Variants in TTBK2 observed in about 807,000 individuals in gnomAD.
TTBK2 encodes tau tubulin kinase 2, also known as tau-tubulin kinase 2.
TTBK2 carries 28 observed loss-of-function variants against 110.8 expected under a neutral mutation model. The ratio of observed to expected loss-of-function variants is 0.25; its 90% CI spans 0.19 to 0.35. The LOEUF is 0.35. Ranked by LOEUF, TTBK2 falls within the 10% of genes least tolerant of loss-of-function variation. The pLI, the probability that TTBK2 is intolerant of heterozygous loss-of-function variation, is 1.00. For missense variants in TTBK2, 1,369 were observed against 1,500.3 expected, an observed-to-expected ratio of 0.91 and a Z score of 1.45; for synonymous variants, 532 against 527.3, an observed-to-expected ratio of 1.01 and a Z score of -0.12.
intron 13 of TTBK2, among the ~76,000 whole-genome samples, chr15:42,773,270 T>C (rs925597949): frequency 1.3e-4 from 19 of 151,936 alleles, no homozygotes; most frequent in South Asian, 2.1e-4. Context: ...TTAGAGACTT[T>C]CAATTAATAC....
chr15:42,778,391 C>A (rs752696436), intron 11 of TTBK2, among the ~76,000 whole-genome samples: 4 of 151,852 alleles, frequency 2.6e-5, no homozygotes, highest in Non-Finnish European at 5.9e-5. Context: ...ATAGGCCGGG[C>A]GTGGTGGCTC....
intron 1 of TTBK2, among the ~76,000 whole-genome samples, chr15:42,889,406 A>G (rs147672733): frequency 1.4e-3 from 212 of 152,254 alleles, no homozygotes; most frequent in Middle Eastern, 3.4e-3. Flanking sequence ...TCCCACCTCT[A>G]TACAGTCCAA....
At chr15:42,873,368 A>G (rs1209531605) in intron 2 of TTBK2, among the ~76,000 whole-genome samples, 3 of 152,192 alleles carry the variant, frequency 2.0e-5, no homozygotes, top group Non-Finnish European at 4.4e-5. Context: ...CAGGAGGCAG[A>G]GGCAGAAGTA....
intron 6 of TTBK2, among the ~76,000 whole-genome samples, chr15:42,822,313 A>G (rs910405652): frequency 6.6e-6 from 1 of 152,224 alleles, no homozygotes; most frequent in Admixed American, 6.5e-5. Flanking sequence ...TCACATGAAT[A>G]TATTATCTAT....
chr15:42,905,793 C>T (rs2030353262), intron 1 of TTBK2, among the ~76,000 whole-genome samples: 1 of 152,010 alleles, frequency 6.6e-6, no homozygotes, highest in Non-Finnish European at 1.5e-5. Context: ...CCTCAATTTC[C>T]TCATCTATTA....
chr15:42,827,435 C>T (rs767764628), intron 6 of TTBK2, among the ~76,000 whole-genome samples: 47 of 152,254 alleles, frequency 3.1e-4, no homozygotes, highest in Middle Eastern at 3.4e-3. Flanking sequence ...AGGCAGGCAA[C>T]AGAAACTGCC....
intron 11 of TTBK2, among the ~76,000 whole-genome samples, chr15:42,781,706 AC>A (rs1890185887): frequency 6.6e-6 from 1 of 152,082 alleles, no homozygotes; most frequent in African/African-American, 2.4e-5. Flanking sequence ...TCTTTATGTC[AC>A]TGATTACTAG....
chr15:42,907,579 G>T (rs1013499415), intron 1 of TTBK2, among the ~76,000 whole-genome samples: 10 of 151,988 alleles, frequency 6.6e-5, no homozygotes, highest in African/African-American at 2.2e-4. Context: ...AATAAATGTT[G>T]TATGTTTTCA....
chr15:42,763,141 T>G, intron 13 of TTBK2, among the ~76,000 whole-genome samples: 1 of 80,534 alleles, frequency 1.2e-5, no homozygotes, highest in African/African-American at 7.1e-5. Flanking sequence ...CATATATACA[T>G]ACATATATAT....
chr15:42,758,859 C>G (rs958479690), intron 13 of TTBK2, among the ~76,000 whole-genome samples: 2 of 152,088 alleles, frequency 1.3e-5, no homozygotes, highest in Non-Finnish European at 2.9e-5. Context: ...ACAGTCCTAG[C>G]GAGCCTGGAG....
intron 4 of TTBK2, among the ~76,000 whole-genome samples, chr15:42,835,483 C>G (rs1252594019): frequency 1.3e-5 from 2 of 152,082 alleles, no homozygotes; most frequent in Non-Finnish European, 2.9e-5. Context: ...TGTCAAATTC[C>G]TCCATTTTTA....
chr15:42,897,670 A>T (rs13329073), intron 1 of TTBK2, among the ~76,000 whole-genome samples: 61,377 of 152,008 alleles, frequency 0.4, 14,488 homozygotes, highest in African/African-American at 0.66. Flanking sequence ...TGAGAACATA[A>T]GATGTGTTTT....
rs146517130 is a variant in TTBK2, at chr15:42,797,256, G to C, written c.823-2455C>G. Among the ~76,000 whole-genome samples the C allele has an allele frequency of 1.7e-3, 256 of 152,352 alleles. 2 individuals carry two copies. The highest frequency in any genetic ancestry group is 3.4e-3 in the Middle Eastern group (1 of 294). ...GTCTGTACTGTGCTGCAACAGGAAT[G>C]ATCCTAAATGGCTTTTATGTCAGAT... On this transcript the variant is annotated intron_variant, in intron 9 of 14. Transcript: ENST00000267890.
rs34711312 is a variant in TTBK2 at position 42,740,552 on chromosome 15, C to CTTTTTT, written c.*5237_*5242dup. On this transcript the variant is annotated 3_prime_UTR_variant, in exon 15 of 15. Coordinates refer to ENST00000267890, the MANE Select transcript of TTBK2 (RefSeq NM_173500.4). The stretch of plus-strand genomic sequence containing the variant: ...GGGCATAGACTTTATTTTTGTTTTA[C>CTTTTTT]TTTTTTTTTTTTTTTTTTTTGAGAC... 1.5e-5 allele frequency: 2 copies of CTTTTTT among 131,802 alleles called. No homozygotes were observed. Among genetic ancestry groups the CTTTTTT allele is most frequent in the African/African-American group, 2.8e-5 (1 of 36,104 alleles). The allele number at this position is 131,802 out of a possible 1,614,324, so 8.2% of individuals were successfully genotyped here. A position where few individuals can be genotyped will look rare whatever the true frequency, so the allele number is the denominator to read the frequency against.
chr15:42,864,558 T>C (rs1894289045), intron 3 of TTBK2, among the ~76,000 whole-genome samples: 6 of 151,312 alleles, frequency 4.0e-5, no homozygotes, highest in Admixed American at 4.0e-4. Flanking sequence ...CACCCCAGCC[T>C]AGGCAATAAG....
chr15:42,791,028 C>T (rs1890650782), intron 10 of TTBK2, among the ~76,000 whole-genome samples: 1 of 152,134 alleles, frequency 6.6e-6, no homozygotes, highest in South Asian at 2.1e-4. Context: ...GGGCTATAGG[C>T]ACCTGCCACC....
intron 14 of TTBK2, among the ~76,000 whole-genome samples, chr15:42,750,790 T>TC (rs2061855156): frequency 6.6e-6 from 1 of 152,116 alleles, no homozygotes; most frequent in Admixed American, 6.5e-5. Context: ...TAGGATGAAC[T>TC]CAGAGACCCA....
chr15:42,776,071 G>A (rs1055579277), intron 12 of TTBK2, among the ~76,000 whole-genome samples: 7 of 152,266 alleles, frequency 4.6e-5, no homozygotes, highest in South Asian at 4.1e-4. Flanking sequence ...CCTTTCGATC[G>A]TGTGAGCGTG....
At chr15:42,917,757 T>C (rs2031160506) in intron 1 of TTBK2, among the ~76,000 whole-genome samples, 1 of 151,138 alleles carries the variant, frequency 6.6e-6, no homozygotes, top group Non-Finnish European at 1.5e-5. Flanking sequence ...ATATTGAAGG[T>C]ATATTGCAAT....
Sources: gnomAD v4.1 joint callset for allele counts (sites outside exome capture counted in the v4.1 genomes callset) on GRCh38, gnomAD v4.1.1 for gene constraint, MANE v1.5 for transcripts, NCBI Gene and HGNC (gene_info 2026-07-23, HGNC 2026-07-21) for gene names.